Variants in DMD observed in about 807,000 individuals in gnomAD.
The protein encoded by DMD is dystrophin, also known as mutant dystrophin.
DMD carries 63 observed loss-of-function variants against 330.1 expected under a neutral mutation model. The observed-to-expected ratio is 0.19, with a 90% CI of 0.16 to 0.24. DMD has a LOEUF of 0.24. DMD is among the 10% of genes least tolerant of loss of function. The pLI is 1.00. For missense variants in DMD, 3,344 were observed against 2,684.1 expected (o/e 1.25, Z -5.43); for synonymous variants, 1,223 against 959.8 (o/e 1.27, Z -5.07).
At chrX:31,344,499 A>T (rs2057971263) in intron 61 of DMD, among the ~76,000 whole-genome samples, 1 of 111,572 alleles carries the variant, frequency 9.0e-6, no homozygotes, top group Admixed American at 9.6e-5. Context: ...GATAGTTTTA[A>T]GGGAAAAAAG....
intron 21 of DMD, among the ~76,000 whole-genome samples, chrX:32,483,321 G>A (rs1196821284): frequency 3.8e-5 from 4 of 105,041 alleles, no homozygotes; most frequent in Non-Finnish European, 7.8e-5. Flanking sequence ...AACAATCATC[G>A]TTTGTAGGTA....
chrX:31,413,106 C>T (rs988679874), intron 60 of DMD, among the ~76,000 whole-genome samples: 1 of 112,194 alleles, frequency 8.9e-6, no homozygotes, highest in Non-Finnish European at 1.9e-5. Flanking sequence ...TCTCATCATA[C>T]GTGATGCTCA....
In DMD at chrX:31,120,288, A is replaced by ATATT. The variant is rs2032169783; in HGVS notation, c.*1627_*1630dup. The ATATT allele has an allele frequency of 1.8e-5, 2 of 111,937 alleles. No individual in the cohort carries two copies. Among genetic ancestry groups the ATATT allele is most frequent in the Non-Finnish European group, 3.8e-5 (2 of 53,089 alleles). The allele number at this position is 111,937 out of a possible 1,213,427, so 9.2% of individuals were successfully genotyped here. On this transcript the variant is annotated 3_prime_UTR_variant, in exon 79 of 79. Transcript: ENST00000357033. ...GAGCAATTTTTGTTTGTTTGTTTAT[A>ATATT]TATTTAACCTGTCTAATCCACCAAG...
intron 33 of DMD, among the ~76,000 whole-genome samples, chrX:32,382,840 A>C (rs780285738): frequency 2.6e-4 from 29 of 110,708 alleles, no homozygotes; most frequent in African/African-American, 9.5e-4. Context: ...CATTTTGTTT[A>C]TTTCCAGCTA....
intron 37 of DMD, among the ~76,000 whole-genome samples, chrX:32,356,982 C>T (rs113982864): frequency 0.21 from 23,276 of 110,400 alleles, 2,484 homozygotes; most frequent in African/African-American, 0.4. Context: ...CTCCGCCTCC[C>T]GGGTTCAAAC....
At chrX:33,294,949 A>T (rs1442877207) in intron 1 of DMD, among the ~76,000 whole-genome samples, 1 of 111,017 alleles carries the variant, frequency 9.0e-6, no homozygotes, top group Non-Finnish European at 1.9e-5. Context: ...AAACATCGAG[A>T]ATTTAAAGGA....
chrX:33,313,972 T>G (rs1280489405), intron 1 of DMD, among the ~76,000 whole-genome samples: 1 of 109,371 alleles, frequency 9.1e-6, no homozygotes, highest in Non-Finnish European at 1.9e-5. Context: ...TAGAACAGAA[T>G]GTAGTATGTC....
At chrX:31,170,307 C>T (rs2039865001) in intron 73 of DMD, among the ~76,000 whole-genome samples, 1 of 110,946 alleles carries the variant, frequency 9.0e-6, no homozygotes, top group Admixed American at 9.6e-5. Flanking sequence ...TAAATTTATA[C>T]ATAATGGTTT....
chrX:31,266,751 C>T, intron 62 of DMD: 1 of 1,115,312 alleles, frequency 9.0e-7, no homozygotes, highest in African/African-American at 1.8e-5. Flanking sequence ...GCCCCCTGCT[C>T]GCGCCACAAG....
At chrX:32,705,795 T>C (rs2064573602) in intron 7 of DMD, among the ~76,000 whole-genome samples, 2 of 111,809 alleles carry the variant, frequency 1.8e-5, no homozygotes, top group Non-Finnish European at 3.8e-5. Context: ...ATGAGCATTT[T>C]TTCATGTGTT....
At chrX:32,335,035 A>C (rs2097698605) in intron 41 of DMD, among the ~76,000 whole-genome samples, 1 of 111,359 alleles carries the variant, frequency 9.0e-6, no homozygotes, top group Admixed American at 9.7e-5. Flanking sequence ...TTACAGTAAA[A>C]TGACAAAGAA....
At chrX:31,159,532 CT>C (rs2038557122) in intron 74 of DMD, among the ~76,000 whole-genome samples, 1 of 111,739 alleles carries the variant, frequency 8.9e-6, no homozygotes, top group Non-Finnish European at 1.9e-5. Flanking sequence ...CCATTTCTAA[CT>C]GGGCTGCTCA....
intron 44 of DMD, among the ~76,000 whole-genome samples, chrX:31,986,922 G>A (rs1230254075): frequency 8.9e-6 from 1 of 111,934 alleles, no homozygotes; most frequent in African/African-American, 3.2e-5. Flanking sequence ...CTGAATCCTG[G>A]TAACTATGAT....
intron 55 of DMD, among the ~76,000 whole-genome samples, chrX:31,592,732 C>T (rs767498629): frequency 9.1e-6 from 1 of 110,416 alleles, no homozygotes; most frequent in Non-Finnish European, 1.9e-5. Context: ...CTGCTCATTA[C>T]TATATGTTGA....
intron 11 of DMD, among the ~76,000 whole-genome samples, chrX:32,628,456 C>CA (rs746810972): frequency 1.1e-3 from 121 of 105,745 alleles, no homozygotes; most frequent in African/African-American, 3.5e-3. Flanking sequence ...TCAACCCTTT[C>CA]AAAAAAACCT....
At chrX:31,514,155 T>C (rs1169018235) in intron 55 of DMD, among the ~76,000 whole-genome samples, 2 of 112,012 alleles carry the variant, frequency 1.8e-5, no homozygotes, top group Non-Finnish European at 3.8e-5. Context: ...AACAGATTTG[T>C]AGCAGTGGAT....
At chrX:31,843,083 A>T (rs2093347436) in intron 48 of DMD, among the ~76,000 whole-genome samples, 1 of 112,026 alleles carries the variant, frequency 8.9e-6, no homozygotes, top group African/African-American at 3.2e-5. Context: ...AGTATTTCAT[A>T]TTGTATGTGT....
At chrX:31,451,270 CCTTT>C (rs200078090) in intron 59 of DMD, among the ~76,000 whole-genome samples, 4 of 74,373 alleles carry the variant, frequency 5.4e-5, no homozygotes, top group African/African-American at 2.1e-4. Flanking sequence ...TCCTTTCCTT[CCTTT>C]CTTTCCTTTT....
intron 43 of DMD, among the ~76,000 whole-genome samples, chrX:32,217,319 A>G (rs1386814011): frequency 4.5e-5 from 5 of 111,742 alleles, no homozygotes; most frequent in African/African-American, 1.6e-4. Flanking sequence ...TAAAATGAAT[A>G]TATTTATTGA....
Sources: gnomAD v4.1 joint callset for allele counts (sites outside exome capture counted in the v4.1 genomes callset) on GRCh38, gnomAD v4.1.1 for gene constraint, MANE v1.5 for transcripts, NCBI Gene and HGNC (gene_info 2026-07-23, HGNC 2026-07-21) for gene names.